The following MYO18A variants were observed in gnomAD, a reference collection of about 807,000 sequenced individuals.
MYO18A encodes the protein unconventional myosin-XVIIIa.
A neutral mutation model predicts 235.8 loss-of-function variants in MYO18A; 78 were observed. The ratio of observed to expected loss-of-function variants is 0.33; its 90% confidence interval spans 0.28 to 0.40. The LOEUF (loss-of-function observed/expected upper bound fraction) is 0.40, where lower values mean the gene tolerates loss of function less well. Ranked by LOEUF, MYO18A falls within the 10% of genes least tolerant of loss-of-function variation. The pLI is 1.00. For synonymous variants in MYO18A, 977 were observed against 1,077.8 expected (o/e 0.91, Z 1.83); for missense variants, 2,215 against 2,699.3 (o/e 0.82, Z 3.98).
intron 2 of MYO18A, among the ~76,000 whole-genome samples, chr17:29,134,351 G>T (rs1212731963): frequency 6.6e-6 from 1 of 152,150 alleles, no homozygotes; most frequent in African/African-American, 2.4e-5. Flanking sequence ...CTAAAGTGCT[G>T]GGATTACAGG....
At position 29,086,928 on chromosome 17, in the gene MYO18A, G is replaced by A. The variant is rs1356657750; in HGVS notation, c.5712+8C>T. On this transcript the variant is annotated splice_region_variant and intron_variant, in intron 38 of 41. Transcript: ENST00000527372. Reference sequence around the variant, plus strand: ...CATGTGGGCCCCGTGGGGGACAGGGGGCATTACCAGTTCGTGCTTCTTGCG... The same window carrying A: ...CATGTGGGCCCCGTGGGGGACAGGGAGCATTACCAGTTCGTGCTTCTTGCG... 1.2e-6 allele frequency: 2 copies of A among 1,610,278 alleles called. No homozygotes were observed. Among genetic ancestry groups the A allele is most frequent in the South Asian group, 1.1e-5 (1 of 90,548 alleles).
chr17:29,102,566 A>T (rs1038564983), intron 21 of MYO18A, among the ~76,000 whole-genome samples: 1 of 152,254 alleles, frequency 6.6e-6, no homozygotes, highest in African/African-American at 2.4e-5. Context: ...TGGGACACAA[A>T]GACACAGAGA....
chr17:29,147,889 CAAAAAAAA>C (rs11389237), intron 2 of MYO18A, among the ~76,000 whole-genome samples: 1 of 87,102 alleles, frequency 1.1e-5, no homozygotes, highest in South Asian at 4.5e-4. Flanking sequence ...GCCTGGGTGA[CAAAAAAAA>C]AAAAAAAAAA....
rs138783814 is a variant in MYO18A at position 29,074,194 on chromosome 17, T to C, written c.*576A>G. On this transcript the variant is annotated 3_prime_UTR_variant, in exon 42 of 42. Coordinates refer to ENST00000527372, the MANE Select transcript of MYO18A (RefSeq NM_078471.4). The surrounding 1 kb of genome is among the most constrained non-coding windows in gnomAD (Gnocchi z 4.4). ...GCTCTCTGAAGGGTGAAGATGGAGA[T>C]GACATTCCCGAGTCGTTCTTGGGAG... The C allele has an allele frequency of 4.4e-6, 7 of 1,597,386 alleles. No individual in the cohort carries two copies. Among genetic ancestry groups the C allele is most frequent in the Non-Finnish European group, 6.0e-6 (7 of 1,169,398 alleles).
rs2068099331 is a variant in MYO18A, at chr17:29,158,177, AC to A, written c.999+7764del. On this transcript the variant is annotated intron_variant, in intron 2 of 41. Transcript: ENST00000527372. This position sits in a 1 kb window ranked among gnomAD's most constrained non-coding sequence, Gnocchi z 4.3. ...CACCATACTGAGCGCCACAGATAAC[AC>A]CCGGCGAACACCCGGCAAACACCGA... Among the ~76,000 whole-genome samples, 1 of 151,938 alleles carries A rather than the reference AC, an allele frequency of 6.6e-6. No individual in the cohort carries two copies. Among genetic ancestry groups the A allele is most frequent in the Non-Finnish European group, 1.5e-5 (1 of 67,998 alleles).
intron 39 of MYO18A, 105 bp downstream of exon 39, chr17:29,086,333 C>A (rs1257423666): frequency 3.0e-6 from 4 of 1,335,786 alleles, no homozygotes; most frequent in Admixed American, 2.1e-5. Context: ...GCGGCTTGCT[C>A]ATGGGGAGGC....
At position 29,140,299 on chromosome 17, in the gene MYO18A, C is replaced by T. The variant is rs1484208911; in HGVS notation, c.1000-18046G>A. 8.3e-7 allele frequency: 1 copy of T among 1,203,716 alleles called. No individual in the cohort carries two copies. Among genetic ancestry groups the T allele is most frequent in the Non-Finnish European group, 1.1e-6 (1 of 939,666 alleles). The allele number at this position is 1,203,716 out of a possible 1,614,324, so 74.6% of individuals were successfully genotyped here. ...CTAAATGAGGAAATAGCATGAGGAG[C>T]CTGGGACATTTCCGGGGTGGGGGGT... On this transcript the variant is annotated intron_variant, in intron 2 of 41. Transcript: ENST00000527372. This position sits in a 1 kb window ranked among gnomAD's most constrained non-coding sequence, Gnocchi z 4.2.
chr17:29,083,558 A>ACACACACACACACACACG (rs1568038715), intron 40 of MYO18A, among the ~76,000 whole-genome samples: 3 of 151,588 alleles, frequency 2.0e-5, no homozygotes, highest in Non-Finnish European at 4.4e-5. Context: ...ACACACACAC[A>ACACACACACACACACACG]CGAAACCAGC....
intron 37 of MYO18A, 104 bp downstream of exon 37, chr17:29,089,857 T>C: frequency 6.8e-7 from 1 of 1,466,780 alleles, no homozygotes; most frequent in South Asian, 1.3e-5. Flanking sequence ...CACAGGCCTC[T>C]GAGGACTGTC....
intron 20 of MYO18A, among the ~76,000 whole-genome samples, 183 bp from the exon 21 acceptor site, chr17:29,103,847 G>A (rs762880101): frequency 1.3e-5 from 2 of 152,254 alleles, no homozygotes; most frequent in Non-Finnish European, 1.5e-5. Context: ...GACTACGAGA[G>A]GAACAAACCG....
rs563257767 is a variant in MYO18A, at chr17:29,073,205, T to C, written c.*1565A>G. 1.3e-5 allele frequency: 2 copies of C among 152,320 alleles called. No individual in the cohort carries two copies. The highest frequency in any genetic ancestry group is 4.1e-4 in the South Asian group (2 of 4,824). The allele number at this position is 152,320 out of a possible 1,614,324, so 9.4% of individuals were successfully genotyped here. ...CAATCAGAGGGACCTCAACATTCCC[T>C]TGTGGAGGCTAGGGAGGATGAGGCT... is the stretch of plus-strand genomic sequence containing the variant. On this transcript the variant is annotated 3_prime_UTR_variant, in exon 42 of 42. Transcript: ENST00000527372.
chr17:29,179,887 C>T (rs1453067836), intron 1 of MYO18A, among the ~76,000 whole-genome samples: 1 of 152,056 alleles, frequency 6.6e-6, no homozygotes, highest in African/African-American at 2.4e-5. Flanking sequence ...CCTTCCTCAG[C>T]GCCCCGCTCT....
chr17:29,098,705 G>C (rs1267034414), intron 23 of MYO18A, 121 bp downstream of exon 23: 2 of 1,358,406 alleles, frequency 1.5e-6, no homozygotes, highest in East Asian at 2.5e-5. Context: ...TCTTCTATTT[G>C]ATGAGCACAT....
rs751853314 is a variant in MYO18A at position 29,086,587 on chromosome 17, AG to A, written c.5713-11del. 2 of 1,612,416 alleles carry A rather than the reference AG, an allele frequency of 1.2e-6. No homozygotes were observed. The highest frequency in any genetic ancestry group is 1.7e-6 in the Non-Finnish European group (2 of 1,179,274). ...TTTCTAGATCCATCTCCTAGGAGGAAGGGGGCAGCCCAGTTTGCAGGAGGGC... is the reference window on the plus strand; with the variant it reads ...TTTCTAGATCCATCTCCTAGGAGGAAGGGGCAGCCCAGTTTGCAGGAGGGC... On this transcript the variant is annotated splice_polypyrimidine_tract_variant and intron_variant, in intron 38 of 41. Coordinates refer to ENST00000527372, the MANE Select transcript of MYO18A (RefSeq NM_078471.4).
chr17:29,106,073 C>T lies in MYO18A; in HGVS notation c.3441+1007G>A, dbSNP rs1287369213. On this transcript the variant is annotated intron_variant, in intron 20 of 41. Transcript: ENST00000527372. The surrounding 1 kb of genome is among the most constrained non-coding windows in gnomAD (Gnocchi z 4.6). Reference sequence around the variant, plus strand: ...GAGAGGTTCTGATGGAGCCAGAGAGCGGGTGTCCTGAGGGGAAGAGAGGAG... The same window carrying T: ...GAGAGGTTCTGATGGAGCCAGAGAGTGGGTGTCCTGAGGGGAAGAGAGGAG... 2.6e-5 allele frequency among the ~76,000 whole-genome samples: 4 copies of T among 152,058 alleles called. No individual in the cohort carries two copies. The highest frequency in any genetic ancestry group is 6.6e-5 in the Admixed American group (1 of 15,262).
chr17:29,165,989 TGCTGAGCTC>T lies in MYO18A; in HGVS notation c.943_951del (p.Glu315_Ser317del). ...CCCTCGCCGCTCCGCAGCCAGCTCC[TGCTGAGCTC>T]GCTGAGCTCTGGAATGGGCTGCACC... On this transcript the variant is annotated inframe_deletion, in exon 2 of 42. Coordinates refer to ENST00000527372, the MANE Select transcript of MYO18A (RefSeq NM_078471.4). 6.2e-7 allele frequency: 1 copy of T among 1,613,596 alleles called. No homozygotes were observed. The highest frequency in any genetic ancestry group is 8.5e-7 in the Non-Finnish European group (1 of 1,179,894).
chr17:29,106,455 A>C lies in MYO18A; in HGVS notation c.3441+625T>G, dbSNP rs2066787840. Among the ~76,000 whole-genome samples the C allele has an allele frequency of 6.6e-6, 1 of 152,154 alleles. No homozygotes were observed. Among genetic ancestry groups the C allele is most frequent in the Non-Finnish European group, 1.5e-5 (1 of 68,024 alleles). ...CTCTCCATTTAGGGAAGCCATCCTAAGGTCTGAGGTGCTTTCAGAATCAGG... is the reference window on the plus strand; with the variant it reads ...CTCTCCATTTAGGGAAGCCATCCTACGGTCTGAGGTGCTTTCAGAATCAGG... On this transcript the variant is annotated intron_variant, in intron 20 of 41. Coordinates refer to ENST00000527372, the MANE Select transcript of MYO18A (RefSeq NM_078471.4). This position sits in a 1 kb window ranked among gnomAD's most constrained non-coding sequence, Gnocchi z 4.6.
intron 28 of MYO18A, among the ~76,000 whole-genome samples, chr17:29,095,551 G>A (rs1206360807): frequency 7.9e-5 from 12 of 152,296 alleles, no homozygotes; most frequent in South Asian, 2.1e-4. Flanking sequence ...CAGCAGTGCC[G>A]GCAGGACACC....
intron 1 of MYO18A, among the ~76,000 whole-genome samples, chr17:29,176,934 C>G (rs1464939138): frequency 6.6e-6 from 1 of 152,200 alleles, no homozygotes; most frequent in Non-Finnish European, 1.5e-5. Flanking sequence ...TCCCATCTCC[C>G]CCGGAAGGCA....
Sources: allele counts gnomAD v4.1 joint callset (sites outside exome capture counted in the v4.1 genomes callset), GRCh38; gene constraint gnomAD v4.1.1; non-coding constraint Gnocchi (gnomAD v3.1); transcripts MANE v1.5; gene names NCBI Gene and HGNC (gene_info 2026-07-23, HGNC 2026-07-21).